The following APOBEC3D variants were observed in gnomAD, a reference collection of about 807,000 sequenced individuals.
APOBEC3D encodes apolipoprotein B mRNA editing enzyme catalytic subunit 3D, also known as DNA dC->dU-editing enzyme APOBEC-3D.
A neutral mutation model predicts 45.6 loss-of-function variants in APOBEC3D; 37 were observed. That is an observed-to-expected ratio of 0.81 (90% CI 0.62 to 1.07). The LOEUF (loss-of-function observed/expected upper bound fraction) is 1.07. Among genes scored for constraint, APOBEC3D ranks in the 50% least tolerant of loss-of-function variants. The pLI is 0.00. For missense variants in APOBEC3D, 496 were observed against 495.3 expected (o/e 1.00, Z -0.01); for synonymous variants, 175 against 180.7 (o/e 0.97, Z 0.25).
intron 3 of APOBEC3D, 40 bp downstream of exon 3, chr22:39,025,389 A>G: frequency 3.1e-6 from 5 of 1,612,158 alleles, no homozygotes; most frequent in Non-Finnish European, 4.2e-6. Flanking sequence ...ACGGGGAGGA[A>G]CAGCCTCAGA....
At chr22:39,032,156 G>T in intron 6 of APOBEC3D, 42 bp from the exon 7 acceptor site, 1 of 1,607,162 alleles carries the variant, frequency 6.2e-7, no homozygotes, top group African/African-American at 1.3e-5. Flanking sequence ...CGGGAGAGAG[G>T]CTTGCTGGGC....
chr22:39,031,181 A>G (rs913632882), intron 5 of APOBEC3D, among the ~76,000 whole-genome samples: 3 of 152,188 alleles, frequency 2.0e-5, no homozygotes, highest in Non-Finnish European at 4.4e-5. Context: ...AAAATAATAA[A>G]AAAATAAAGA....
In APOBEC3D at chr22:39,021,327, C is replaced by T. The variant is rs1409298639; in HGVS notation, c.-193C>T. The T allele has an allele frequency of 3.2e-6, 2 of 632,016 alleles. No homozygotes were observed. Among genetic ancestry groups the T allele is most frequent in the Non-Finnish European group, 2.8e-6 (1 of 351,204 alleles). 39.2% of individuals were successfully genotyped at this position (632,016 alleles called of 1,614,324 possible). A position where few individuals can be genotyped will look rare whatever the true frequency, so the allele number is the denominator to read the frequency against. On this transcript the variant is annotated 5_prime_UTR_variant, in exon 1 of 7. Coordinates refer to ENST00000216099, the MANE Select transcript of APOBEC3D (RefSeq NM_152426.4). ...TTCTCCATGTTGGTCAGGCTGGTCT[C>T]GAACTCCTGACCTCGTGATCCGCCC...
chr22:39,030,058 T>C (rs1926058542), intron 5 of APOBEC3D, among the ~76,000 whole-genome samples: 1 of 150,816 alleles, frequency 6.6e-6, no homozygotes, highest in South Asian at 2.1e-4. Context: ...AATCTTGTCA[T>C]GGAGCTGTGC....
In APOBEC3D at chr22:39,023,457, T is replaced by C. The variant is rs148935376; in HGVS notation, c.210+443T>C. Among the ~76,000 whole-genome samples the C allele has an allele frequency of 7.1e-3, 1,064 of 150,596 alleles. 14 individuals carry two copies. The highest frequency in any genetic ancestry group is 0.025 in the African/African-American group (1,020 of 41,060). On this transcript the variant is annotated intron_variant, in intron 2 of 6. Coordinates refer to ENST00000216099, the MANE Select transcript of APOBEC3D (RefSeq NM_152426.4). ...TTTTCTTTTCTTTCTTTCTTTTTTT[T>C]TTTTTTTGAGACAGAGTTTTACTCT...
rs1926323917 is a variant in APOBEC3D, at chr22:39,032,495, T to TCTTGTAGA, written c.*180_*187dup. On this transcript the variant is annotated 3_prime_UTR_variant, in exon 7 of 7. Transcript: ENST00000216099. ...CCTCCTCCCCGCTCTCCCAGGCTCT[T>TCTTGTAGA]CTTGTAGAGGCTCTCCATCCACCTC... 7.1e-7 allele frequency: 1 copy of TCTTGTAGA among 1,404,926 alleles called. No individual in the cohort carries two copies. Among genetic ancestry groups the TCTTGTAGA allele is most frequent in the South Asian group, 1.6e-5 (1 of 60,718 alleles). 87.0% of individuals were successfully genotyped at this position (1,404,926 alleles called of 1,614,324 possible).
chr22:39,021,253 GCACGTCACCA>G lies in APOBEC3D; in HGVS notation c.-263_-254del. The G allele has an allele frequency of 2.5e-6, 1 of 402,404 alleles. No individual in the cohort carries two copies. The highest frequency in any genetic ancestry group is 4.7e-6 in the Non-Finnish European group (1 of 211,788). 24.9% of individuals were successfully genotyped at this position (402,404 alleles called of 1,614,324 possible). ...CTCCAGAGTAGCTGGGATTACAGGC[GCACGTCACCA>G]CACCTGGCTAATTTTTGTATTTTTA... is the stretch of plus-strand genomic sequence containing the variant. On this transcript the variant is annotated 5_prime_UTR_variant, in exon 1 of 7. Transcript: ENST00000216099.
intron 2 of APOBEC3D, among the ~76,000 whole-genome samples, 200 bp downstream of exon 2, chr22:39,023,214 C>T (rs181157982): frequency 1.3e-5 from 2 of 152,018 alleles, no homozygotes; most frequent in African/African-American, 4.8e-5. Flanking sequence ...CTCTTGGGTT[C>T]AAGCGATTCT....
At chr22:39,031,111 A>T (rs952048248) in intron 5 of APOBEC3D, among the ~76,000 whole-genome samples, 1 of 152,128 alleles carries the variant, frequency 6.6e-6, no homozygotes, top group African/African-American at 2.4e-5. Context: ...AGTTGTGGTG[A>T]GCTGAGATCG....
At chr22:39,025,021 C>T (rs139074279) in intron 2 of APOBEC3D, 49 bp from the exon 3 acceptor site, 19 of 1,391,326 alleles carry the variant, frequency 1.4e-5, no homozygotes, top group Non-Finnish European at 1.7e-5. Flanking sequence ...CCCCGCACCC[C>T]TCCTGTTCCC....
intron 5 of APOBEC3D, among the ~76,000 whole-genome samples, chr22:39,030,806 G>A (rs1161382939): frequency 6.6e-6 from 1 of 152,148 alleles, no homozygotes; most frequent in Non-Finnish European, 1.5e-5. Context: ...AAGGATGCCA[G>A]AATTCGCACT....
intron 2 of APOBEC3D, among the ~76,000 whole-genome samples, chr22:39,023,283 T>G (rs1925308452): frequency 6.6e-6 from 1 of 151,652 alleles, no homozygotes; most frequent in Non-Finnish European, 1.5e-5. Flanking sequence ...GCCCGGCTAA[T>G]TTTTGTATTT....
intron 4 of APOBEC3D, among the ~76,000 whole-genome samples, chr22:39,026,749 GT>G (rs1341401848): frequency 6.7e-6 from 1 of 149,282 alleles, no homozygotes; most frequent in African/African-American, 2.6e-5. Flanking sequence ...TTTGAGTAAG[GT>G]TTTTTTGTTT....
chr22:39,023,573 A>C (rs1925338959), intron 2 of APOBEC3D, among the ~76,000 whole-genome samples: 1 of 151,262 alleles, frequency 6.6e-6, no homozygotes, highest in African/African-American at 2.4e-5. Context: ...CAGCCACCTG[A>C]ATAGCAGGGA....
rs1569061334 is a variant in APOBEC3D, at chr22:39,031,889, T to C, written c.958T>C (p.Cys320Arg). ...TCTCACCATCTTCACCGCCCGCCTC[T>C]GCTACTTCTGGGATACAGATTACCA... ...VNLTIFTARL[C>R]YFWDTDYQEG... The change falls in exon 6 of 7, where the codon TGC becomes CGC. Residue 320 changes from cysteine to arginine, a missense_variant. Physicochemically the swap from Cys to Arg is radical, Grantham distance 180 (BLOSUM62 -3). Transcript: ENST00000216099. 1 of 1,614,092 alleles carries C rather than the reference T, an allele frequency of 6.2e-7. No homozygotes were observed. The highest frequency in any genetic ancestry group is 8.5e-7 in the Non-Finnish European group (1 of 1,180,050).
chr22:39,033,101 A>T lies in APOBEC3D; in HGVS notation c.*785A>T. 5.3e-6 allele frequency: 1 copy of T among 188,374 alleles called. No individual in the cohort carries two copies. The highest frequency in any genetic ancestry group is 9.9e-6 in the Non-Finnish European group (1 of 101,340). The allele number at this position is 188,374 out of a possible 1,614,324, so 11.7% of individuals were successfully genotyped here. On this transcript the variant is annotated 3_prime_UTR_variant, in exon 7 of 7. Transcript: ENST00000216099. Reference sequence around the variant, plus strand: ...ATGTGGTGGCATGCACCTGTAGTTTAAGCTACTTGGGAGGATGAAGTGGGA... The same window carrying T: ...ATGTGGTGGCATGCACCTGTAGTTTTAGCTACTTGGGAGGATGAAGTGGGA...
Position 39,032,953 on chromosome 22 carries a change from C to T in APOBEC3D, c.*637C>T, listed in dbSNP as rs116255730. On this transcript the variant is annotated 3_prime_UTR_variant, in exon 7 of 7. Transcript: ENST00000216099. ...TTATTAAACTCAATCTAGTCTGGCC[C>T]TGGTGACTCACGCCTTTCGGAGGCA... 1,402 of 151,968 alleles carry T rather than the reference C, an allele frequency of 9.2e-3. 28 individuals are homozygous for T. Among genetic ancestry groups the T allele is most frequent in the African/African-American group, 0.032 (1,321 of 41,262 alleles). 9.4% of individuals were successfully genotyped at this position (151,968 alleles called of 1,614,324 possible).
Position 39,025,561 on chromosome 22 carries a change from T to C in APOBEC3D, c.495T>C (p.Phe165=), listed in dbSNP as rs766861928. Residue 165 remains phenylalanine (F), a synonymous_variant, in exon 4 of 7, where the codon TTT becomes TTC. Coordinates refer to ENST00000216099, the MANE Select transcript of APOBEC3D (RefSeq NM_152426.4). ...CTTCCCACCTCTTCATCTCAGACTT[T>C]GCATACTGCTGGGAAAACTTTGTGT... The part of the protein sequence containing the change: ...ARVKIMDYED[F]AYCWENFVCN... 1.9e-6 allele frequency: 3 copies of C among 1,614,112 alleles called. No individual in the cohort carries two copies. Among genetic ancestry groups the C allele is most frequent in the Middle Eastern group, 1.6e-4 (1 of 6,062 alleles).
intron 5 of APOBEC3D, among the ~76,000 whole-genome samples, chr22:39,030,992 C>G (rs552696353): frequency 6.6e-6 from 1 of 152,100 alleles, no homozygotes; most frequent in Non-Finnish European, 1.5e-5. Flanking sequence ...ATGGTGAAAC[C>G]CTGTCTCTAC....
Sources: allele counts gnomAD v4.1 joint callset (sites outside exome capture counted in the v4.1 genomes callset), GRCh38; gene constraint gnomAD v4.1.1; transcripts MANE v1.5; gene names NCBI Gene and HGNC (gene_info 2026-07-23, HGNC 2026-07-21).